Variants in TRPM5 observed in about 807,000 individuals in gnomAD.
The protein encoded by TRPM5 is MLSN1 and TRP-related.
TRPM5 carries 121 observed loss-of-function variants against 124.9 expected under a neutral mutation model. That is an observed-to-expected ratio of 0.97 (90% CI 0.84 to 1.13). The LOEUF (loss-of-function observed/expected upper bound fraction) is 1.13. Ranked by LOEUF, TRPM5 falls within the 50% of genes most tolerant of loss-of-function variation. The pLI is 0.00. For missense variants in TRPM5, 1,643 were observed against 1,589.1 expected, an observed-to-expected ratio of 1.03 and a Z score of -0.58; for synonymous variants, 781 against 700.5, an observed-to-expected ratio of 1.11 and a Z score of -1.81.
chr11:2,437,520 GT>G, the TRPM5 span, among the ~76,000 whole-genome samples: 1 of 152,194 alleles, frequency 6.6e-6, no homozygotes, highest in African/African-American at 2.4e-5. This position sits in a 1 kb window ranked among gnomAD's most constrained non-coding sequence, Gnocchi z 5.6. Flanking sequence ...TGACTGTGGA[GT>G]GACCATCTGA....
At chr11:2,413,352 A>C in intron 13 of TRPM5, 124 bp downstream of exon 18, 1 of 1,303,396 alleles carries the variant, frequency 7.7e-7, no homozygotes, top group Non-Finnish European at 1.0e-6. Flanking sequence ...ACCCGCAGGG[A>C]GGCTGGACTT....
upstream of TRPM5, among the ~76,000 whole-genome samples, chr11:2,426,480 C>T (rs1398888159): frequency 1.3e-5 from 2 of 152,090 alleles, no homozygotes; most frequent in Non-Finnish European, 2.9e-5. Context: ...CAGCCAGGGG[C>T]CATCGTGACC....
At chr11:2,440,106 C>T in the TRPM5 span, among the ~76,000 whole-genome samples, 1 of 152,142 alleles carries the variant, frequency 6.6e-6, no homozygotes, top group Non-Finnish European at 1.5e-5. The surrounding 1 kb of genome is among the most constrained non-coding windows in gnomAD (Gnocchi z 5.2). Context: ...CATGTTCTCA[C>T]TTATAAGTGG....
At chr11:2,427,109 C>T (rs1176615860), upstream of TRPM5, among the ~76,000 whole-genome samples, 1 of 152,216 alleles carries the variant, frequency 6.6e-6, no homozygotes, top group Non-Finnish European at 1.5e-5. Context: ...CCCCACCTCA[C>T]CCCAGTGGGG....
At chr11:2,422,241 G>A (rs146991410) in exon 2 of TRPM5, 55 of 1,612,392 alleles carry the variant, frequency 3.4e-5, no homozygotes, top group Non-Finnish European at 4.0e-5. Flanking sequence ...ACACCACCAG[G>A]TTGGGGGCCG....
intron 13 of TRPM5, 72 bp from the exon 19 acceptor site, chr11:2,413,298 G>C (rs1850492983): frequency 2.1e-6 from 3 of 1,431,196 alleles, no homozygotes; most frequent in Admixed American, 2.6e-5. Flanking sequence ...CAGGCGCTTG[G>C]CCATCAAAGT....
chr11:2,423,029 T>C (rs749895525), exon 1 of TRPM5: 1 of 1,611,276 alleles, frequency 6.2e-7, no homozygotes, highest in South Asian at 1.1e-5. Context: ...GCCTTGGACA[T>C]CCTGCATGGT....
intron 7 of TRPM5, among the ~76,000 whole-genome samples, chr11:2,417,033 C>A (rs147329459): frequency 6.6e-6 from 1 of 152,086 alleles, no homozygotes; most frequent in African/African-American, 2.4e-5. Context: ...GGAAGCAGAT[C>A]GATGGTTCCC....
At chr11:2,435,027 T>C in the TRPM5 span, among the ~76,000 whole-genome samples, 31 of 152,248 alleles carry the variant, frequency 2.0e-4, no homozygotes, top group African/African-American at 7.5e-4. This position sits in a 1 kb window ranked among gnomAD's most constrained non-coding sequence, Gnocchi z 4.1. Flanking sequence ...CCTCAAACAC[T>C]TGGACTTGAG....
intron 20 of TRPM5, 48 bp downstream of exon 25, chr11:2,407,071 C>T (rs758398845): frequency 2.7e-6 from 4 of 1,489,038 alleles, no homozygotes; most frequent in African/African-American, 1.4e-5. Context: ...GCCCTGGGAC[C>T]CGCCACCTCG....
At chr11:2,428,935 G>A in the TRPM5 span, among the ~76,000 whole-genome samples, 157 of 76,946 alleles carry the variant, frequency 2.0e-3, 1 homozygote, top group African/African-American at 0.019. The surrounding 1 kb of genome is among the most constrained non-coding windows in gnomAD (Gnocchi z 4.0). Context: ...TGGTGATGGT[G>A]GTGGTAATAA....
chr11:2,430,454 G>C, the TRPM5 span, among the ~76,000 whole-genome samples: 1 of 94,100 alleles, frequency 1.1e-5, no homozygotes, highest in Non-Finnish European at 2.0e-5. Flanking sequence ...GATACTAGTG[G>C]TGGTGGTGGT....
chr11:2,417,706 G>GGGCCCCCCCCCCCCCC, intron 7 of TRPM5, 21 bp downstream of exon 12: 3 of 1,087,300 alleles, frequency 2.8e-6, no homozygotes, highest in Admixed American at 2.0e-5. Context: ...CGCCTGCCTT[G>GGGCCCCCCCCCCCCCC]CCCACCCTGC....
chr11:2,442,510 G>A, the TRPM5 span, among the ~76,000 whole-genome samples: 1 of 152,072 alleles, frequency 6.6e-6, no homozygotes, highest in African/African-American at 2.4e-5. This position sits in a 1 kb window ranked among gnomAD's most constrained non-coding sequence, Gnocchi z 5.9. Context: ...CAGCTGAAGC[G>A]ATTGAAGGAC....
chr11:2,426,026 G>C (rs997378655), upstream of TRPM5, among the ~76,000 whole-genome samples: 5 of 152,182 alleles, frequency 3.3e-5, no homozygotes, highest in Non-Finnish European at 7.4e-5. Context: ...TTCTGGGATA[G>C]GACATCCGGG....
chr11:2,438,402 C>A, the TRPM5 span, among the ~76,000 whole-genome samples: 1 of 152,206 alleles, frequency 6.6e-6, no homozygotes, highest in Non-Finnish European at 1.5e-5. The surrounding 1 kb of genome is among the most constrained non-coding windows in gnomAD (Gnocchi z 5.9). Flanking sequence ...CAGTGGCTCA[C>A]ACCAGTAATC....
At position 2,414,783 on chromosome 11, in the gene TRPM5, G is replaced by T; in HGVS notation, c.1676C>A (p.Ser559Ter). ...CGCCTCGGCCTCCGTCTCCAGGTGC[G>T]ACATCTCTTTGAGGATTTTGCAGGC... Residue 559 changes from serine to a stop codon, truncating the protein, a stop_gained, in exon 11 of 24, where the codon TCG becomes TAG. Transcript: ENST00000155858. LOFTEE classifies it high-confidence loss of function. 1 of 1,569,162 alleles carries T rather than the reference G, an allele frequency of 6.4e-7. No individual in the cohort carries two copies.
At chr11:2,417,703 C>CTTGGGCCCCCCCCCCCCCCCCCCCCA in intron 7 of TRPM5, 24 bp downstream of exon 12, 1 of 1,254,492 alleles carries the variant, frequency 8.0e-7, no homozygotes, top group Non-Finnish European at 1.1e-6. Context: ...TGGCGCCTGC[C>CTTGGGCCCCCCCCCCCCCCCCCCCCA]TTGCCCACCC....
At chr11:2,415,295 C>T in exon 9 of TRPM5, 1 of 1,579,324 alleles carries the variant, frequency 6.3e-7, no homozygotes, top group Non-Finnish European at 8.6e-7. Flanking sequence ...CCTCCTCCTG[C>T]TTCCGCTGCA....
Sources: allele counts gnomAD v4.1 joint callset (sites outside exome capture counted in the v4.1 genomes callset), GRCh38; gene constraint gnomAD v4.1.1; non-coding constraint Gnocchi (gnomAD v3.1); transcripts MANE v1.5; gene names NCBI Gene and HGNC (gene_info 2026-07-23, HGNC 2026-07-21).